PIK3C2G: variants seen among roughly 807,000 people sequenced by gnomAD.
PIK3C2G encodes phosphatidylinositol-4-phosphate 3-kinase catalytic subunit type 2 gamma.
Under a neutral mutation model 181.1 loss-of-function variants are expected in PIK3C2G, and 168 were observed. That is an observed-to-expected ratio of 0.93 (90% CI 0.82 to 1.05). The LOEUF is 1.05. Among genes scored for constraint, PIK3C2G ranks in the 50% least tolerant of loss-of-function variants. The pLI is 0.00. For synonymous variants in PIK3C2G, 573 were observed against 592.2 expected, an observed-to-expected ratio of 0.97 and a Z score of 0.47; for missense variants, 1,869 against 1,732.8, an observed-to-expected ratio of 1.08 and a Z score of -1.40.
chr12:18,292,227 A>AT (rs1555149103), intron 4 of PIK3C2G, among the ~76,000 whole-genome samples: 77 of 48,690 alleles, frequency 1.6e-3, no homozygotes, highest in African/African-American at 3.1e-3. Context: ...AAAAAAAAAA[A>AT]ATATATATAT....
At chr12:18,353,931 CTCT>C (rs1291830832) in intron 11 of PIK3C2G, among the ~76,000 whole-genome samples, 1 of 152,184 alleles carries the variant, frequency 6.6e-6, no homozygotes, top group African/African-American at 2.4e-5. Flanking sequence ...CTGTAAGTGT[CTCT>C]TCTTCCATTC....
chr12:18,628,192 C>A (rs1949186445), intron 31 of PIK3C2G, among the ~76,000 whole-genome samples: 1 of 151,944 alleles, frequency 6.6e-6, no homozygotes, highest in South Asian at 2.1e-4. Context: ...TAATAGAGTT[C>A]TTTAAATATA....
At chr12:18,557,363 C>T (rs1945066513) in intron 26 of PIK3C2G, among the ~76,000 whole-genome samples, 1 of 151,352 alleles carries the variant, frequency 6.6e-6, no homozygotes, top group Non-Finnish European at 1.5e-5. Flanking sequence ...TAAGTGGTTA[C>T]AAAGTAAACA....
At chr12:18,324,999 C>G (rs1382042538) in intron 7 of PIK3C2G, 36 bp from the exon 8 acceptor site, 1 of 1,111,294 alleles carries the variant, frequency 9.0e-7, no homozygotes, top group East Asian at 2.4e-5. Context: ...TTTTCCCACC[C>G]AATTTTAAAC....
At chr12:18,465,958 C>CT (rs1023439007) in intron 18 of PIK3C2G, among the ~76,000 whole-genome samples, 17 of 151,218 alleles carry the variant, frequency 1.1e-4, no homozygotes, top group African/African-American at 3.9e-4. Flanking sequence ...CTACATACTT[C>CT]TTTTTTTATC....
the PIK3C2G span, chr12:18,694,063 G>T: frequency 7.6e-7 from 1 of 1,308,174 alleles, no homozygotes; most frequent in Non-Finnish European, 1.1e-6. Context: ...TTCTTTATAA[G>T]AAACAGGAAG....
At chr12:18,391,098 G>A (rs1394840375) in intron 14 of PIK3C2G, 24 bp from the exon 15 acceptor site, 1 of 1,580,088 alleles carries the variant, frequency 6.3e-7, no homozygotes, top group Non-Finnish European at 8.6e-7. Flanking sequence ...TTCAACACAT[G>A]GCAAATCATT....
chr12:18,648,717 T>A (rs557579897), downstream of PIK3C2G, among the ~76,000 whole-genome samples: 1 of 152,236 alleles, frequency 6.6e-6, no homozygotes, highest in Admixed American at 6.6e-5. Flanking sequence ...AACTCTCCCT[T>A]CTGATCAAAT....
the PIK3C2G span, among the ~76,000 whole-genome samples, chr12:18,669,665 C>T: frequency 3.4e-5 from 5 of 148,580 alleles, no homozygotes; most frequent in Non-Finnish European, 6.0e-5. Flanking sequence ...CTCTTCCTCT[C>T]TTTTTTTTTT....
chr12:18,686,764 C>T, the PIK3C2G span, among the ~76,000 whole-genome samples: 4 of 151,970 alleles, frequency 2.6e-5, no homozygotes, highest in Admixed American at 6.6e-5. Context: ...TAGAAGAGTT[C>T]GTTGGTCCAT....
chr12:18,379,478 C>T (rs1181555476), intron 13 of PIK3C2G, among the ~76,000 whole-genome samples: 5 of 151,930 alleles, frequency 3.3e-5, no homozygotes, highest in Admixed American at 6.6e-5. Context: ...CAAGCCTGCA[C>T]GTTGTGCACA....
intron 24 of PIK3C2G, among the ~76,000 whole-genome samples, chr12:18,520,201 T>A (rs764244099): frequency 6.6e-6 from 1 of 151,964 alleles, no homozygotes; most frequent in African/African-American, 2.4e-5. Context: ...TGTCTTGGGA[T>A]TGATCTTCTC....
At chr12:18,374,689 T>A (rs1164340273) in intron 13 of PIK3C2G, among the ~76,000 whole-genome samples, 3 of 152,172 alleles carry the variant, frequency 2.0e-5, no homozygotes, top group Non-Finnish European at 2.9e-5. Context: ...CTGCTGTAAA[T>A]CTCATATTGA....
At chr12:18,654,290 T>G in the PIK3C2G span, among the ~76,000 whole-genome samples, 4 of 59,538 alleles carry the variant, frequency 6.7e-5, no homozygotes, top group East Asian at 2.7e-3. Context: ...GAAACACTAG[T>G]ACCTAAAAAA....
the PIK3C2G span, chr12:18,700,022 A>C: frequency 8.0e-7 from 1 of 1,243,466 alleles, no homozygotes; most frequent in South Asian, 1.3e-5. Flanking sequence ...CTAGTAAAGA[A>C]AATACACTTT....
the PIK3C2G span, among the ~76,000 whole-genome samples, chr12:18,682,227 A>T: frequency 1.3e-5 from 2 of 152,084 alleles, no homozygotes; most frequent in African/African-American, 4.8e-5. Flanking sequence ...TTTAGTACTG[A>T]GAGTAAACCA....
At chr12:18,705,675 G>C in the PIK3C2G span, among the ~76,000 whole-genome samples, 1 of 151,366 alleles carries the variant, frequency 6.6e-6, no homozygotes, top group Non-Finnish European at 1.5e-5. Context: ...AGGCCAGCTT[G>C]TCCAGCATAG....
At chr12:18,600,103 AT>A (rs1252890342) in intron 30 of PIK3C2G, among the ~76,000 whole-genome samples, 8 of 152,176 alleles carry the variant, frequency 5.3e-5, no homozygotes, top group South Asian at 2.1e-4. Flanking sequence ...CTGAAAAAAA[AT>A]GTATCTTCTC....
At chr12:18,437,987 G>A (rs1441499759) in intron 18 of PIK3C2G, among the ~76,000 whole-genome samples, 1 of 151,852 alleles carries the variant, frequency 6.6e-6, no homozygotes, top group African/African-American at 2.4e-5. Flanking sequence ...GATAACGCTT[G>A]CAGAGGAAAT....
Sources: gnomAD v4.1 joint callset for allele counts (sites outside exome capture counted in the v4.1 genomes callset) on GRCh38, gnomAD v4.1.1 for gene constraint, MANE v1.5 for transcripts, NCBI Gene and HGNC (gene_info 2026-07-23, HGNC 2026-07-21) for gene names.